PIK3CD: variants seen among roughly 807,000 people sequenced by gnomAD.
PIK3CD encodes the protein phosphatidylinositol-4,5-bisphosphate 3-kinase catalytic subunit delta, also known as phosphatidylinositol 4,5-bisphosphate 3-kinase catalytic subunit delta isoform.
In PIK3CD, 20 loss-of-function variants were observed where a neutral mutation model predicts 122.9. That is an observed-to-expected ratio of 0.16 (90% CI 0.11 to 0.24). The LOEUF (loss-of-function observed/expected upper bound fraction) is 0.24. Among genes scored for constraint, PIK3CD ranks in the 10% least tolerant of loss-of-function variants. The pLI, the probability that PIK3CD is intolerant of heterozygous loss-of-function variation, is 1.00. For synonymous variants in PIK3CD, 596 were observed against 593.4 expected (o/e 1.00, Z -0.06); for missense variants, 787 against 1,406.3 (o/e 0.56, Z 7.04).
rs912521239 is a variant in PIK3CD, at chr1:9,728,936, G to GTTCTT, written c.*1893_*1897dup. 9 of 152,202 alleles carry GTTCTT rather than the reference G, an allele frequency of 5.9e-5. No individual in the cohort carries two copies. Among genetic ancestry groups the GTTCTT allele is most frequent in the Non-Finnish European group, 1.2e-4 (8 of 68,032 alleles). The allele number at this position is 152,202 out of a possible 1,614,324, so 9.4% of individuals were successfully genotyped here. A position where few individuals can be genotyped will look rare whatever the true frequency, so the allele number is the denominator to read the frequency against. ...GAAAAGAAAGAAAAAGCCTTTTTAT[G>GTTCTT]TTCTTTTATGTTCTCGGCTCAAAAA... On this transcript the variant is annotated 3_prime_UTR_variant, in exon 24 of 24. Transcript: ENST00000377346.
At chr1:9,637,440 C>T in the PIK3CD span, among the ~76,000 whole-genome samples, 1 of 152,110 alleles carries the variant, frequency 6.6e-6, no homozygotes, top group Non-Finnish European at 1.5e-5. Flanking sequence ...CACTTGAGCC[C>T]GGGAGATCGA....
chr1:9,671,727 T>C (rs1360210500), intron 1 of PIK3CD, among the ~76,000 whole-genome samples: 1 of 152,162 alleles, frequency 6.6e-6, no homozygotes, highest in Non-Finnish European at 1.5e-5. Context: ...ATTACAGACA[T>C]GAGCCACTAC....
upstream of PIK3CD, among the ~76,000 whole-genome samples, chr1:9,651,075 G>T (rs1269469809): frequency 6.6e-6 from 1 of 152,094 alleles, no homozygotes; most frequent in African/African-American, 2.4e-5. Context: ...GAATTCCTGG[G>T]CTCAAGTGAT....
Position 9,652,673 on chromosome 1 carries a change from C to A in PIK3CD, c.-138+871C>A, listed in dbSNP as rs1032422114. Reference sequence around the variant, plus strand: ...TAGGCTTCCTCATTTGCACCTCCTCCTTTGAGGTAGAGAAGAGGGGAACTG... The same window carrying A: ...TAGGCTTCCTCATTTGCACCTCCTCATTTGAGGTAGAGAAGAGGGGAACTG... On this transcript the variant is annotated intron_variant, in intron 1 of 23. Coordinates refer to ENST00000377346, the MANE Select transcript of PIK3CD (RefSeq NM_005026.5). This position sits in a 1 kb window ranked among gnomAD's most constrained non-coding sequence, Gnocchi z 6.2. 8.5e-5 allele frequency: 13 copies of A among 152,274 alleles called. No homozygotes were observed. Among genetic ancestry groups the A allele is most frequent in the African/African-American group, 3.1e-4 (13 of 41,464 alleles). 9.4% of individuals were successfully genotyped at this position (152,274 alleles called of 1,614,324 possible).
At chr1:9,698,615 C>T (rs981867342) in intron 2 of PIK3CD, among the ~76,000 whole-genome samples, 1 of 152,220 alleles carries the variant, frequency 6.6e-6, no homozygotes, top group East Asian at 1.9e-4. Flanking sequence ...TTATCACTTT[C>T]ACAAACAATA....
At chr1:9,696,381 G>A (rs1488278695) in intron 2 of PIK3CD, among the ~76,000 whole-genome samples, 2 of 152,090 alleles carry the variant, frequency 1.3e-5, no homozygotes, top group Middle Eastern at 3.4e-3. Flanking sequence ...GAGCCCAGGA[G>A]TTCAGGAACA....
Position 9,659,364 on chromosome 1 carries a change from CTTAA to C in PIK3CD, c.-138+7565_-138+7568del, listed in dbSNP as rs1042857629. ...TAATTAGTAGGCATATGCTTTTTAT[CTTAA>C]TTTTCATGTTTTAATTGTAAAATAT... is the stretch of plus-strand genomic sequence containing the variant. On this transcript the variant is annotated intron_variant, in intron 1 of 23. Transcript: ENST00000377346. Among the ~76,000 whole-genome samples the C allele has an allele frequency of 3.3e-5, 5 of 152,152 alleles. No individual in the cohort carries two copies. In the South Asian group the frequency reaches 6.2e-4, roughly 19 times the overall value.
chr1:9,720,069 A>T lies in PIK3CD; in HGVS notation c.1340-43A>T. 4 of 1,613,312 alleles carry T rather than the reference A, an allele frequency of 2.5e-6. No homozygotes were observed. Among genetic ancestry groups the T allele is most frequent in the Non-Finnish European group, 3.4e-6 (4 of 1,179,972 alleles). ...CGTTGGGAGTGTGAGGGTCCCAGAG[A>T]TGCTGGTCACCCCTCTACAACTTCA... On this transcript the variant is annotated intron_variant, in intron 10 of 23. Coordinates refer to ENST00000377346, the MANE Select transcript of PIK3CD (RefSeq NM_005026.5). This position sits in a 1 kb window ranked among gnomAD's most constrained non-coding sequence, Gnocchi z 9.0.
intron 1 of PIK3CD, among the ~76,000 whole-genome samples, chr1:9,683,621 C>T (rs940436839): frequency 7.9e-5 from 12 of 152,010 alleles, no homozygotes; most frequent in Non-Finnish European, 1.6e-4. Flanking sequence ...ACTATTGTAA[C>T]TATTTAGTGG....
chr1:9,719,851 G>T lies in PIK3CD; in HGVS notation c.1243-70G>T. ...CTGGGTCTTCTCGGGTGGGGTGCCT[G>T]GGGGAGGGCAGGGAAGCTGGGTCTG... On this transcript the variant is annotated intron_variant, in intron 9 of 23. Coordinates refer to ENST00000377346, the MANE Select transcript of PIK3CD (RefSeq NM_005026.5). This position sits in a 1 kb window ranked among gnomAD's most constrained non-coding sequence, Gnocchi z 5.5. The T allele has an allele frequency of 7.9e-7, 1 of 1,261,696 alleles. No homozygotes were observed. The highest frequency in any genetic ancestry group is 1.2e-6 in the Non-Finnish European group (1 of 859,522). 78.2% of individuals were successfully genotyped at this position (1,261,696 alleles called of 1,614,324 possible). A position where few individuals can be genotyped will look rare whatever the true frequency, so the allele number is the denominator to read the frequency against.
intron 2 of PIK3CD, among the ~76,000 whole-genome samples, chr1:9,705,836 G>C (rs1002247900): frequency 6.6e-6 from 1 of 152,100 alleles, no homozygotes; most frequent in African/African-American, 2.4e-5. Flanking sequence ...CCAATATCTG[G>C]AGATTGATCT....
In PIK3CD at chr1:9,717,076, C is replaced by A. The variant is rs1445282622; in HGVS notation, c.898C>A (p.Arg300Ser). 1 of 1,613,998 alleles carries A rather than the reference C, an allele frequency of 6.2e-7. No homozygotes were observed. Among genetic ancestry groups the A allele is most frequent in the Non-Finnish European group, 8.5e-7 (1 of 1,180,026 alleles). Residue 300 changes from arginine to serine, a missense_variant, in exon 7 of 24, where the codon CGT becomes AGT. By Grantham distance (110) the Arg-to-Ser change is moderately radical (BLOSUM62 -1). Around this residue, in one of 6 missense-constraint regions of PIK3CD, gnomAD observed 592 missense variants for 920.6 expected, o/e 0.64. Transcript: ENST00000377346. This position sits in a 1 kb window ranked among gnomAD's most constrained non-coding sequence, Gnocchi z 5.4. Reference protein sequence around the residue: ...SNPAPQVQKPRAKPPPIPAKK... With the variant: ...SNPAPQVQKPSAKPPPIPAKK... ...CCCTGCCCCCCAGGTCCAGAAACCG[C>A]GTGCCAAACCACCTCCCATTCCTGC...
chr1:9,707,606 T>C (rs983272769), intron 2 of PIK3CD, among the ~76,000 whole-genome samples: 8 of 151,996 alleles, frequency 5.3e-5, no homozygotes, highest in South Asian at 2.1e-4. Flanking sequence ...TGAGAACATA[T>C]GGTGTTTGGT....
At chr1:9,716,162 A>G in intron 5 of PIK3CD, 84 bp downstream of exon 5, 1 of 1,159,664 alleles carries the variant, frequency 8.6e-7, no homozygotes, top group Non-Finnish European at 1.3e-6. Flanking sequence ...GTCATCCGCA[A>G]GCCCCCCTCC....
rs1646132330 is a variant in PIK3CD, at chr1:9,689,862, G to A, written c.-137-1605G>A. On this transcript the variant is annotated intron_variant, in intron 1 of 23. Coordinates refer to ENST00000377346, the MANE Select transcript of PIK3CD (RefSeq NM_005026.5). The surrounding 1 kb of genome is among the most constrained non-coding windows in gnomAD (Gnocchi z 6.1). ...GGTCGGTGGAGGCGATCAGGGGTCC[G>A]GGGCCGTGGGGGCTTGGGGGGCCGA... 6.6e-6 allele frequency among the ~76,000 whole-genome samples: 1 copy of A among 151,840 alleles called. No homozygotes were observed. The highest frequency in any genetic ancestry group is 2.4e-5 in the African/African-American group (1 of 41,412).
chr1:9,720,153 A>G lies in PIK3CD; in HGVS notation c.1381A>G (p.Ser461Gly). 3 of 1,613,204 alleles carry G rather than the reference A, an allele frequency of 1.9e-6. No homozygotes were observed. Among genetic ancestry groups the G allele is most frequent in the Non-Finnish European group, 2.5e-6 (3 of 1,180,012 alleles). ...GCTGAACCCCACGGGCACTGTGCGC[A>G]GTAACCCCAACACGGATAGCGCCGC... The part of the protein sequence containing the change: ...ELLNPTGTVR[S>G]NPNTDSAAAL... Residue 461 changes from serine to glycine, a missense_variant, in exon 11 of 24, where the codon AGT (serine) becomes GGT (glycine). This residue lies in a region of PIK3CD where 592 missense variants were observed against 920.6 expected (regional missense o/e 0.64). Coordinates refer to ENST00000377346, the MANE Select transcript of PIK3CD (RefSeq NM_005026.5). The surrounding 1 kb of genome is among the most constrained non-coding windows in gnomAD (Gnocchi z 9.0).
intron 5 of PIK3CD, 24 bp downstream of exon 5, chr1:9,716,102 C>T: frequency 6.4e-7 from 1 of 1,574,458 alleles, no homozygotes; most frequent in Non-Finnish European, 8.7e-7. Context: ...TGGCCTGCGG[C>T]ATCCAGGCTG....
chr1:9,657,993 G>A (rs1458626536), intron 1 of PIK3CD, among the ~76,000 whole-genome samples: 1 of 152,136 alleles, frequency 6.6e-6, no homozygotes, highest in South Asian at 2.1e-4. Flanking sequence ...CAGCCACAGT[G>A]GGGGCATTGC....
intron 1 of PIK3CD, chr1:9,654,333 G>A: frequency 7.3e-7 from 1 of 1,367,714 alleles, no homozygotes; most frequent in Non-Finnish European, 9.8e-7. Flanking sequence ...ACTAAGCTGT[G>A]GGCTCCGTTT....
Sources: allele counts gnomAD v4.1 joint callset (sites outside exome capture counted in the v4.1 genomes callset), GRCh38; gene constraint gnomAD v4.1.1; regional missense constraint gnomAD v4.1.1; non-coding constraint Gnocchi (gnomAD v3.1); transcripts MANE v1.5; gene names NCBI Gene and HGNC (gene_info 2026-07-23, HGNC 2026-07-21).